The following SEMA3D variants were observed in gnomAD, a reference collection of about 807,000 sequenced individuals.
SEMA3D encodes the protein semaphorin-3D.
Under a neutral mutation model 100.1 loss-of-function variants are expected in SEMA3D, and 84 were observed. That is an observed-to-expected ratio of 0.84 (90% confidence interval 0.70 to 1.01). The LOEUF (loss-of-function observed/expected upper bound fraction) is 1.01, where lower values mean the gene tolerates loss of function less well. Among genes scored for constraint, SEMA3D ranks in the 50% least tolerant of loss-of-function variants. The pLI is 0.00. For missense variants in SEMA3D, 875 were observed against 934.1 expected, an observed-to-expected ratio of 0.94 and a Z score of 0.82; for synonymous variants, 312 against 320.7, an observed-to-expected ratio of 0.97 and a Z score of 0.29.
chr7:85,176,218 T>C (rs1327003414), intron 1 of SEMA3D, among the ~76,000 whole-genome samples: 1 of 152,154 alleles, frequency 6.6e-6, no homozygotes, highest in Non-Finnish European at 1.5e-5. Context: ...CAAGACAAGA[T>C]CACTCCTTAA....
chr7:85,123,427 T>C (rs1436440575), intron 2 of SEMA3D, among the ~76,000 whole-genome samples: 1 of 152,104 alleles, frequency 6.6e-6, no homozygotes, highest in African/African-American at 2.4e-5. Flanking sequence ...TATGCCTATA[T>C]TGTTTAGTTT....
intron 12 of SEMA3D, among the ~76,000 whole-genome samples, chr7:85,036,026 A>T (rs1449798257): frequency 2.6e-5 from 4 of 152,076 alleles, no homozygotes; most frequent in Non-Finnish European, 4.4e-5. Flanking sequence ...AAAAGATAAT[A>T]TTCAGTAAAA....
Position 84,999,451 on chromosome 7 carries a change from C to CA in SEMA3D, c.2322dup (p.Val775CysfsTer10). The CA allele has an allele frequency of 6.2e-7, 1 of 1,613,056 alleles. No homozygotes were observed. Among genetic ancestry groups the CA allele is most frequent in the East Asian group, 2.2e-5 (1 of 44,850 alleles). ...AATTAAGTAGAAAACTACGTGGCTA[C>CA]AGCTCTAGGGAGCTCATCCAGGTCT... On this transcript the variant is annotated frameshift_variant, in exon 19 of 19. Coordinates refer to ENST00000284136, the MANE Select transcript of SEMA3D (RefSeq NM_001384900.1). LOFTEE classifies it high-confidence loss of function.
intron 3 of SEMA3D, among the ~76,000 whole-genome samples, chr7:85,107,358 A>G (rs1296904123): frequency 1.3e-5 from 2 of 152,114 alleles, no homozygotes; most frequent in Non-Finnish European, 2.9e-5. Flanking sequence ...TTGCATCAGA[A>G]CTTGCACATA....
At chr7:85,030,310 T>C (rs1041015069) in intron 12 of SEMA3D, among the ~76,000 whole-genome samples, 1 of 151,998 alleles carries the variant, frequency 6.6e-6, no homozygotes, top group South Asian at 2.1e-4. Flanking sequence ...AGTGTCCACA[T>C]AGTAAAATGA....
At chr7:85,089,092 T>C (rs1270135935) in intron 4 of SEMA3D, among the ~76,000 whole-genome samples, 2 of 152,152 alleles carry the variant, frequency 1.3e-5, no homozygotes, top group Non-Finnish European at 2.9e-5. Flanking sequence ...GAGTCCCTAC[T>C]GCATCGCCGC....
In SEMA3D at chr7:84,995,910, A is replaced by G. The variant is rs1326151358; in HGVS notation, c.*3530T>C. On this transcript the variant is annotated 3_prime_UTR_variant, in exon 19 of 19. Transcript: ENST00000284136. ...TTTATTTTACCTGACTTGTAAGATG[A>G]ATTATTTAAAATTGTGATCATTTAC... 1 of 151,930 alleles carries G rather than the reference A, an allele frequency of 6.6e-6. No homozygotes were observed. The highest frequency in any genetic ancestry group is 1.5e-5 in the Non-Finnish European group (1 of 67,844). The allele number at this position is 151,930 out of a possible 1,614,324, so 9.4% of individuals were successfully genotyped here.
rs532263041 is a variant in SEMA3D at position 85,180,551 on chromosome 7, T to C, written c.-173+6127A>G. 3.2e-4 allele frequency among the ~76,000 whole-genome samples: 49 copies of C among 152,356 alleles called. No homozygotes were observed. In the East Asian group the frequency reaches 8.5e-3, roughly 26 times the overall value. ...AACATTTAAGATAGACTTCATTTTT[T>C]TGAATACTTTTAAATTTACAGAAAC... is the stretch of plus-strand genomic sequence containing the variant. On this transcript the variant is annotated intron_variant, in intron 1 of 18. Transcript: ENST00000284136.
chr7:85,051,615 T>A (rs540084695), intron 9 of SEMA3D, among the ~76,000 whole-genome samples: 80 of 151,932 alleles, frequency 5.3e-4, no homozygotes, highest in Non-Finnish European at 8.7e-4. Flanking sequence ...GATCTGCCAG[T>A]GTACTGCTGA....
chr7:85,208,355 A>G, the SEMA3D span, among the ~76,000 whole-genome samples: 1 of 152,100 alleles, frequency 6.6e-6, no homozygotes, highest in Non-Finnish European at 1.5e-5. Context: ...TAAATTTACA[A>G]TACAATAACT....
chr7:85,168,857 G>GAA (rs762746233), intron 1 of SEMA3D, among the ~76,000 whole-genome samples: 1 of 132,422 alleles, frequency 7.6e-6, no homozygotes, highest in East Asian at 2.3e-4. Flanking sequence ...AAGAAAGAAA[G>GAA]AAAGAAAGAA....
intron 4 of SEMA3D, among the ~76,000 whole-genome samples, chr7:85,083,155 C>T (rs1218288618): frequency 6.6e-6 from 1 of 152,144 alleles, no homozygotes; most frequent in Non-Finnish European, 1.5e-5. Context: ...AAAATGGTTA[C>T]ATTTCAGGTG....
At chr7:85,002,014 T>A (rs1789668639) in intron 18 of SEMA3D, among the ~76,000 whole-genome samples, 1 of 152,136 alleles carries the variant, frequency 6.6e-6, no homozygotes, top group South Asian at 2.1e-4. Flanking sequence ...TTTAATCTTC[T>A]GACAGGAAGA....
the SEMA3D span, among the ~76,000 whole-genome samples, chr7:85,241,270 A>G: frequency 1.3e-5 from 2 of 151,810 alleles, no homozygotes; most frequent in African/African-American, 4.8e-5. Context: ...TCCTTGAAGA[A>G]CTAAAAGTAG....
intron 11 of SEMA3D, among the ~76,000 whole-genome samples, chr7:85,040,148 T>G (rs1790815800): frequency 6.6e-6 from 1 of 151,772 alleles, no homozygotes; most frequent in African/African-American, 2.4e-5. Flanking sequence ...AGCTATTTTT[T>G]TATTTACTTT....
chr7:85,229,571 A>C, the SEMA3D span, among the ~76,000 whole-genome samples: 10 of 152,074 alleles, frequency 6.6e-5, no homozygotes, highest in Non-Finnish European at 1.3e-4. Context: ...CAAGTGTCTA[A>C]ATTTAATATG....
chr7:85,056,890 C>CATATATATATATATATATATATAT (rs10525654), intron 8 of SEMA3D, among the ~76,000 whole-genome samples: 64 of 138,546 alleles, frequency 4.6e-4, no homozygotes, highest in Admixed American at 8.9e-4. Flanking sequence ...ACATATACAG[C>CATATATATATATATATATATATAT]ATATATATAT....
At chr7:85,158,966 T>G (rs1790671801) in intron 1 of SEMA3D, among the ~76,000 whole-genome samples, 1 of 152,158 alleles carries the variant, frequency 6.6e-6, no homozygotes, top group South Asian at 2.1e-4. Context: ...TGTGACTTAT[T>G]TCTCCCCTTC....
At chr7:85,158,181 T>C (rs940874694) in intron 1 of SEMA3D, among the ~76,000 whole-genome samples, 17 of 152,222 alleles carry the variant, frequency 1.1e-4, no homozygotes, top group Non-Finnish European at 2.2e-4. Context: ...AACAGCAGTG[T>C]TCAGGGAACA....
Sources: gnomAD v4.1 joint callset for allele counts (sites outside exome capture counted in the v4.1 genomes callset) on GRCh38, gnomAD v4.1.1 for gene constraint, MANE v1.5 for transcripts, NCBI Gene and HGNC (gene_info 2026-07-23, HGNC 2026-07-21) for gene names.